Variants in SMIM22 observed in about 807,000 individuals in gnomAD.
SMIM22 encodes the protein cancer associated small integral membrane open reading frame 1.
SMIM22 carries 16 observed loss-of-function variants against 8.4 expected under a neutral mutation model. The ratio of observed to expected loss-of-function variants is 1.90; its 90% CI spans 1.29 to 2.89. The LOEUF (loss-of-function observed/expected upper bound fraction) is 2.89. SMIM22 is among the 30% of genes most tolerant of loss of function. SMIM22 has a pLI of 0.00. For missense variants in SMIM22, 159 were observed against 107.5 expected (o/e 1.48, Z -2.12); for synonymous variants, 67 against 47.6 (o/e 1.41, Z -1.68).
chr16:4,792,471 T>C (rs1436499143), upstream of SMIM22, among the ~76,000 whole-genome samples: 5 of 145,854 alleles, frequency 3.4e-5, no homozygotes, highest in East Asian at 7.0e-4. Context: ...ATTACAGGCA[T>C]GAGCCACCGC....
At chr16:4,792,359 T>A (rs562586512), upstream of SMIM22, among the ~76,000 whole-genome samples, 566 of 151,414 alleles carry the variant, frequency 3.7e-3, 2 homozygotes, top group Middle Eastern at 6.8e-3. Context: ...CCCGGCTAAT[T>A]TTTTGTATTT....
upstream of SMIM22, among the ~76,000 whole-genome samples, chr16:4,793,958 G>GA (rs752322949): frequency 6.7e-6 from 1 of 149,830 alleles, no homozygotes; most frequent in Non-Finnish European, 1.5e-5. Context: ...TTTTTTTTGA[G>GA]ATAGTCTTGC....
At chr16:4,793,724 C>A (rs548569765), upstream of SMIM22, among the ~76,000 whole-genome samples, 9 of 152,210 alleles carry the variant, frequency 5.9e-5, no homozygotes, top group East Asian at 1.5e-3. Context: ...CTTACTGTTC[C>A]CTATACAATG....
At chr16:4,792,366 A>G (rs2082564445), upstream of SMIM22, among the ~76,000 whole-genome samples, 1 of 150,182 alleles carries the variant, frequency 6.7e-6, no homozygotes, top group African/African-American at 2.5e-5. Flanking sequence ...AATTTTTTGT[A>G]TTTTTAGTAG....
At chr16:4,790,493 T>TA (rs2082535278), upstream of SMIM22, among the ~76,000 whole-genome samples, 1 of 152,152 alleles carries the variant, frequency 6.6e-6, no homozygotes, top group South Asian at 2.1e-4. Context: ...CTTAAAGGCT[T>TA]AGAGGCTAGG....
At chr16:4,793,669 T>C (rs929651679), upstream of SMIM22, among the ~76,000 whole-genome samples, 2 of 152,224 alleles carry the variant, frequency 1.3e-5, no homozygotes, top group Non-Finnish European at 1.5e-5. Flanking sequence ...CAGAAAATAT[T>C]TGGAAACAAA....
At chr16:4,795,322 C>T (rs866506574), upstream of SMIM22, 24 of 195,022 alleles carry the variant, frequency 1.2e-4, no homozygotes, top group Admixed American at 3.8e-4. Flanking sequence ...CTGGGCTGGG[C>T]GGCCTCTGCT....
Position 4,795,399 on chromosome 16 carries a change from C to T in SMIM22, c.-71C>T. 3.4e-6 allele frequency: 1 copy of T among 296,918 alleles called. No homozygotes were observed. Among genetic ancestry groups the T allele is most frequent in the Non-Finnish European group, 6.4e-6 (1 of 156,444 alleles). 18.4% of individuals were successfully genotyped at this position (296,918 alleles called of 1,614,324 possible). A position where few individuals can be genotyped will look rare whatever the true frequency, so the allele number is the denominator to read the frequency against. ...GTGTGGAGCCGGAAGCAGGAAGCAG[C>T]CTGTGCTCCCCAGGACCTGCCTGGT... On this transcript the variant is annotated 5_prime_UTR_variant, in exon 1 of 4. Transcript: ENST00000586005.
chr16:4,791,107 G>A (rs1266017640), upstream of SMIM22, among the ~76,000 whole-genome samples: 2 of 152,242 alleles, frequency 1.3e-5, no homozygotes, highest in Admixed American at 6.5e-5. Flanking sequence ...TCTGTGCAGA[G>A]AAAACACTTT....
upstream of SMIM22, chr16:4,795,209 A>G (rs2082613404): frequency 6.5e-6 from 1 of 154,108 alleles, no homozygotes; most frequent in Non-Finnish European, 1.4e-5. Context: ...GAGGAAAGGT[A>G]AGAAGTCTCA....
chr16:4,796,148 C>T (rs1319469152), intron 3 of SMIM22, 42 bp from the exon 4 acceptor site: 5 of 1,535,954 alleles, frequency 3.3e-6, no homozygotes, highest in Non-Finnish European at 4.4e-6. Context: ...CCCTAGGGAA[C>T]AACGAGCGAA....
At chr16:4,788,743 T>C (rs565925544) in exon 2 of SMIM22, 4 of 152,348 alleles carry the variant, frequency 2.6e-5, no homozygotes, top group East Asian at 1.9e-4. Context: ...CCAAAGATGT[T>C]AACTTGTTTA....
upstream of SMIM22, among the ~76,000 whole-genome samples, chr16:4,792,783 C>G (rs2082571855): frequency 7.2e-6 from 1 of 139,782 alleles, no homozygotes; most frequent in African/African-American, 2.7e-5. Context: ...GCCTGCCAGC[C>G]TGGGTGACAG....
At chr16:4,792,481 C>A (rs548016505), upstream of SMIM22, among the ~76,000 whole-genome samples, 1 of 150,214 alleles carries the variant, frequency 6.7e-6, no homozygotes, top group African/African-American at 2.4e-5. Context: ...TGAGCCACCG[C>A]GCCTAGCCTC....
upstream of SMIM22, among the ~76,000 whole-genome samples, chr16:4,794,349 C>T (rs1431797581): frequency 2.6e-5 from 4 of 152,018 alleles, no homozygotes; most frequent in African/African-American, 4.8e-5. Context: ...CCTTGTGATC[C>T]GCCTGCCTCG....
rs578066567 is a variant in SMIM22 at position 4,795,460 on chromosome 16, G to A, written c.-21+11G>A. On this transcript the variant is annotated intron_variant, in intron 1 of 3. Coordinates refer to ENST00000586005, the MANE Select transcript of SMIM22 (RefSeq NM_001253794.2). ...GGAGGCTTCTAGGAGGTAGGTGGGG[G>A]CCTGGGGGCTGGGCTGCCAGGGGGA... 6 of 484,286 alleles carry A rather than the reference G, an allele frequency of 1.2e-5. No individual in the cohort carries two copies. Among genetic ancestry groups the A allele is most frequent in the African/African-American group, 1.2e-4 (6 of 50,482 alleles). 30.0% of individuals were successfully genotyped at this position (484,286 alleles called of 1,614,324 possible).
chr16:4,791,419 T>C (rs1328797805), upstream of SMIM22, among the ~76,000 whole-genome samples: 1 of 152,178 alleles, frequency 6.6e-6, no homozygotes, highest in African/African-American at 2.4e-5. Context: ...GAGCCTTCCA[T>C]CATGCTTCGA....
At chr16:4,791,228 A>C (rs1048827302), upstream of SMIM22, among the ~76,000 whole-genome samples, 5 of 152,194 alleles carry the variant, frequency 3.3e-5, no homozygotes, top group African/African-American at 1.2e-4. Context: ...AGTGCCGTCA[A>C]AGGAGTAGTT....
chr16:4,794,611 G>T (rs1326695733), upstream of SMIM22, among the ~76,000 whole-genome samples: 1 of 152,010 alleles, frequency 6.6e-6, no homozygotes, highest in Non-Finnish European at 1.5e-5. Context: ...GTAGAGACAT[G>T]GTTTCTCCAC....
Sources: gnomAD v4.1 joint callset for allele counts (sites outside exome capture counted in the v4.1 genomes callset) on GRCh38, gnomAD v4.1.1 for gene constraint, MANE v1.5 for transcripts, NCBI Gene and HGNC (gene_info 2026-07-23, HGNC 2026-07-21) for gene names.